The following MAPK10 variants were observed in gnomAD, a reference collection of about 807,000 sequenced individuals.
The protein encoded by MAPK10 is mitogen-activated protein kinase 10.
Under a neutral mutation model 59.3 loss-of-function variants are expected in MAPK10, and 25 were observed. The observed-to-expected ratio is 0.42, with a 90% CI of 0.31 to 0.59. MAPK10 has a LOEUF of 0.59. Among genes scored for constraint, MAPK10 ranks in the 20% least tolerant of loss-of-function variants. The probability of loss-of-function intolerance (pLI) is 0.15; values close to 1 mark genes in which losing one functional copy is unlikely to be tolerated. For missense variants in MAPK10, 351 were observed against 568.9 expected, an observed-to-expected ratio of 0.62 and a Z score of 3.90; for synonymous variants, 190 against 200.5, an observed-to-expected ratio of 0.95 and a Z score of 0.44.
At chr4:86,467,249 G>C (rs573122705) in intron 1 of MAPK10, among the ~76,000 whole-genome samples, 7 of 152,248 alleles carry the variant, frequency 4.6e-5, no homozygotes, top group Non-Finnish European at 8.8e-5. Context: ...GCCAAGTGTC[G>C]CATAATCAAA....
chr4:86,416,580 A>G (rs1283235395), intron 1 of MAPK10, among the ~76,000 whole-genome samples: 4 of 152,174 alleles, frequency 2.6e-5, no homozygotes, highest in African/African-American at 9.7e-5. Context: ...GGGAGGATTA[A>G]TCTCCTGCTA....
chr4:86,339,076 TCA>T (rs1228023865), intron 2 of MAPK10, among the ~76,000 whole-genome samples: 1 of 152,138 alleles, frequency 6.6e-6, no homozygotes, highest in Non-Finnish European at 1.5e-5. Context: ...CCCTTAGGAA[TCA>T]CACTCTGCAG....
At chr4:86,510,348 A>T (rs912976512) in intron 1 of MAPK10, among the ~76,000 whole-genome samples, 3 of 152,084 alleles carry the variant, frequency 2.0e-5, no homozygotes, top group African/African-American at 7.2e-5. Context: ...CCTGGCCTCA[A>T]GCGATTATCC....
chr4:86,075,116 C>T (rs1353671954), intron 9 of MAPK10, among the ~76,000 whole-genome samples: 1 of 151,434 alleles, frequency 6.6e-6, no homozygotes, highest in Admixed American at 6.6e-5. Context: ...TTTCTCTAAA[C>T]TTCCCTTCTC....
At chr4:86,174,165 T>G (rs1443372699) in intron 3 of MAPK10, among the ~76,000 whole-genome samples, 1 of 145,214 alleles carries the variant, frequency 6.9e-6, no homozygotes, top group Non-Finnish European at 1.5e-5. Context: ...TAAAGGTACA[T>G]GCACACATAT....
At chr4:86,505,987 G>C (rs1755708699) in intron 1 of MAPK10, among the ~76,000 whole-genome samples, 1 of 151,954 alleles carries the variant, frequency 6.6e-6, no homozygotes, top group Admixed American at 6.6e-5. Context: ...ACATGAGCTA[G>C]GCAATATAGA....
At chr4:86,485,805 T>C (rs1753941736) in intron 1 of MAPK10, among the ~76,000 whole-genome samples, 1 of 152,200 alleles carries the variant, frequency 6.6e-6, no homozygotes, top group Non-Finnish European at 1.5e-5. Flanking sequence ...ATTGTCCTTA[T>C]AAGCTGAGAA....
intron 3 of MAPK10, among the ~76,000 whole-genome samples, chr4:86,187,402 T>G (rs11097099): frequency 0.085 from 12,986 of 152,172 alleles, 1,227 homozygotes; most frequent in African/African-American, 0.23. Context: ...CTGCACAACC[T>G]AAGTGGGATG....
intron 1 of MAPK10, among the ~76,000 whole-genome samples, chr4:86,436,818 T>G (rs570502513): frequency 1.4e-4 from 22 of 152,156 alleles, no homozygotes; most frequent in Non-Finnish European, 3.1e-4. Context: ...ATTTCCCTGG[T>G]AGGGACCTCA....
intron 2 of MAPK10, among the ~76,000 whole-genome samples, chr4:86,321,399 G>T (rs1578212920): frequency 6.6e-6 from 1 of 151,926 alleles, no homozygotes; most frequent in African/African-American, 2.4e-5. Context: ...GGAATACTAT[G>T]CAGCCATAAA....
At chr4:86,447,085 C>T (rs1045631920) in intron 1 of MAPK10, among the ~76,000 whole-genome samples, 3 of 152,164 alleles carry the variant, frequency 2.0e-5, no homozygotes, top group South Asian at 4.1e-4. Flanking sequence ...TATACTGATA[C>T]GGTTTGACTT....
At chr4:86,576,743 C>T (rs1323718444) in intron 1 of MAPK10, among the ~76,000 whole-genome samples, 2 of 150,440 alleles carry the variant, frequency 1.3e-5, no homozygotes, top group Non-Finnish European at 3.0e-5. Flanking sequence ...CCACTGTAGT[C>T]CAGCCTAGGG....
intron 2 of MAPK10, among the ~76,000 whole-genome samples, chr4:86,311,083 C>G (rs1347408457): frequency 6.8e-6 from 1 of 146,462 alleles, no homozygotes; most frequent in Non-Finnish European, 1.5e-5. Context: ...TGCACCCCAA[C>G]AGAGTCAACC....
chr4:86,347,743 A>G (rs1211973190), intron 2 of MAPK10, among the ~76,000 whole-genome samples: 3 of 152,112 alleles, frequency 2.0e-5, no homozygotes, highest in Non-Finnish European at 4.4e-5. Flanking sequence ...GGAAAATACT[A>G]GCTAGCTCTC....
intron 1 of MAPK10, among the ~76,000 whole-genome samples, chr4:86,413,358 G>A (rs1745441887): frequency 6.6e-6 from 1 of 152,210 alleles, no homozygotes; most frequent in Admixed American, 6.5e-5. Flanking sequence ...AGGCTACACA[G>A]GGGCCAGGGA....
chr4:86,250,285 GA>G (rs915583326), intron 2 of MAPK10, among the ~76,000 whole-genome samples: 3 of 152,138 alleles, frequency 2.0e-5, no homozygotes, highest in Admixed American at 2.0e-4. Context: ...AGTAATCACA[GA>G]GGCAAGTGGC....
chr4:86,441,568 G>C (rs746339363), intron 1 of MAPK10, among the ~76,000 whole-genome samples: 5 of 152,052 alleles, frequency 3.3e-5, no homozygotes, highest in African/African-American at 4.8e-5. Flanking sequence ...AATTCTTTTT[G>C]CTTAAAGCTA....
At chr4:86,174,579 T>C (rs1209671218) in intron 3 of MAPK10, among the ~76,000 whole-genome samples, 1 of 152,190 alleles carries the variant, frequency 6.6e-6, no homozygotes, top group East Asian at 1.9e-4. Flanking sequence ...AGCTGCACTT[T>C]CTGCAAATGT....
intron 2 of MAPK10, among the ~76,000 whole-genome samples, chr4:86,296,405 G>A (rs2095363205): frequency 6.6e-6 from 1 of 152,002 alleles, no homozygotes; most frequent in African/African-American, 2.4e-5. Flanking sequence ...AATCCTGGGT[G>A]GTCCTGCACC....
Sources: gnomAD v4.1 joint callset for allele counts (sites outside exome capture counted in the v4.1 genomes callset) on GRCh38, gnomAD v4.1.1 for gene constraint, MANE v1.5 for transcripts, NCBI Gene and HGNC (gene_info 2026-07-23, HGNC 2026-07-21) for gene names.